The following SND1 variants were observed in gnomAD, a reference collection of about 807,000 sequenced individuals.
The protein encoded by SND1 is staphylococcal nuclease domain-containing protein 1.
A neutral mutation model predicts 121.7 loss-of-function variants in SND1; 38 were observed. That is an observed-to-expected ratio of 0.31 (90% CI 0.24 to 0.41). The LOEUF is 0.41. Ranked by LOEUF, SND1 falls within the 10% of genes least tolerant of loss-of-function variation. The probability of loss-of-function intolerance (pLI) is 1.00; values close to 1 mark genes in which losing one functional copy is unlikely to be tolerated. For missense variants in SND1, 868 were observed against 1,184.6 expected (o/e 0.73, Z 3.92); for synonymous variants, 401 against 447.4 (o/e 0.90, Z 1.31).
At chr7:128,070,224 C>G (rs1411131887) in intron 16 of SND1, among the ~76,000 whole-genome samples, 1 of 152,178 alleles carries the variant, frequency 6.6e-6, no homozygotes, top group African/African-American at 2.4e-5. Context: ...TCGGGAGGTA[C>G]CCCCCTCCCC....
intron 17 of SND1, among the ~76,000 whole-genome samples, chr7:128,079,288 C>T (rs1160811996): frequency 2.0e-4 from 30 of 152,250 alleles, no homozygotes; most frequent in Admixed American, 2.0e-3. Context: ...TAGAGACCCA[C>T]TTCCCCACAT....
At chr7:127,897,456 T>C (rs931672907) in intron 13 of SND1, among the ~76,000 whole-genome samples, 1 of 152,164 alleles carries the variant, frequency 6.6e-6, no homozygotes, top group Non-Finnish European at 1.5e-5. Context: ...AGTGGTGATT[T>C]CAGTGAACAA....
intron 11 of SND1, among the ~76,000 whole-genome samples, chr7:127,817,651 A>C (rs1429575662): frequency 6.6e-6 from 1 of 151,536 alleles, no homozygotes. Context: ...CTGTCCACAT[A>C]ATATGTCACA....
At chr7:128,042,924 C>G (rs901323687) in intron 16 of SND1, among the ~76,000 whole-genome samples, 4 of 152,180 alleles carry the variant, frequency 2.6e-5, no homozygotes, top group African/African-American at 7.2e-5. Context: ...ACCACATAAC[C>G]TTGACTCACT....
At chr7:127,688,580 G>A (rs894117032) in intron 2 of SND1, among the ~76,000 whole-genome samples, 1 of 151,112 alleles carries the variant, frequency 6.6e-6, no homozygotes, top group Non-Finnish European at 1.5e-5. Flanking sequence ...AAATTAGCCA[G>A]GCATGGTGGT....
At chr7:127,884,027 A>C (rs531591630) in intron 12 of SND1, among the ~76,000 whole-genome samples, 6 of 152,272 alleles carry the variant, frequency 3.9e-5, no homozygotes, top group African/African-American at 1.4e-4. Flanking sequence ...ACCTCTCATT[A>C]AACTCCCAAG....
intron 14 of SND1, among the ~76,000 whole-genome samples, chr7:127,919,355 G>C (rs1800651852): frequency 6.6e-6 from 1 of 152,030 alleles, no homozygotes; most frequent in Non-Finnish European, 1.5e-5. Context: ...TTCTTGATTT[G>C]CCCATGAAAT....
intron 15 of SND1, among the ~76,000 whole-genome samples, chr7:127,941,518 T>C (rs1331524236): frequency 6.6e-6 from 1 of 152,206 alleles, no homozygotes; most frequent in Non-Finnish European, 1.5e-5. Flanking sequence ...TCCCTGCCCT[T>C]GTGTGCCTCC....
intron 12 of SND1, among the ~76,000 whole-genome samples, chr7:127,855,181 C>T (rs1584620241): frequency 6.6e-6 from 1 of 152,152 alleles, no homozygotes. Context: ...TGCTGTGGTA[C>T]AATCATGGCT....
At chr7:127,673,193 AAT>A (rs945425249) in intron 1 of SND1, among the ~76,000 whole-genome samples, 2 of 91,318 alleles carry the variant, frequency 2.2e-5, no homozygotes, top group African/African-American at 1.2e-4. Flanking sequence ...TATATATTAT[AAT>A]ATATGATATA....
chr7:127,990,924 A>G (rs775699303), intron 15 of SND1, 23 bp from the exon 16 acceptor site: 1 of 1,583,968 alleles, frequency 6.3e-7, no homozygotes, highest in South Asian at 1.1e-5. Context: ...TTCATCACAG[A>G]TTCTACTTTT....
intron 11 of SND1, among the ~76,000 whole-genome samples, chr7:127,822,174 G>A (rs1287286644): frequency 1.3e-5 from 2 of 152,116 alleles, no homozygotes; most frequent in Admixed American, 6.5e-5. Flanking sequence ...CGATTTCCTT[G>A]TAAGTCCTTT....
At chr7:127,787,568 G>A (rs1194462355) in intron 10 of SND1, among the ~76,000 whole-genome samples, 1 of 152,194 alleles carries the variant, frequency 6.6e-6, no homozygotes, top group African/African-American at 2.4e-5. Context: ...GTTGATTTGT[G>A]TTGATGTTTT....
At chr7:127,988,545 C>G (rs1802448266) in intron 15 of SND1, among the ~76,000 whole-genome samples, 1 of 152,168 alleles carries the variant, frequency 6.6e-6, no homozygotes, top group African/African-American at 2.4e-5. Context: ...GTTTAACACC[C>G]TGGCCCACTG....
At chr7:128,055,123 G>T (rs1793114703) in intron 16 of SND1, among the ~76,000 whole-genome samples, 1 of 152,172 alleles carries the variant, frequency 6.6e-6, no homozygotes, top group South Asian at 2.1e-4. Flanking sequence ...TTTTGTTTCA[G>T]TTGGGAAAGC....
chr7:127,665,394 A>G (rs1161589832), intron 1 of SND1, among the ~76,000 whole-genome samples: 4 of 152,022 alleles, frequency 2.6e-5, no homozygotes, highest in Non-Finnish European at 2.9e-5. Flanking sequence ...TCACCGTGTT[A>G]GCCAGGATAG....
chr7:127,939,840 G>A (rs1391555611), intron 15 of SND1, among the ~76,000 whole-genome samples: 5 of 152,222 alleles, frequency 3.3e-5, no homozygotes, highest in South Asian at 4.1e-4. Flanking sequence ...GGGTAGGTCA[G>A]TGAGGAGTTT....
chr7:127,911,776 A>G (rs2116780240), intron 14 of SND1, among the ~76,000 whole-genome samples: 1 of 152,290 alleles, frequency 6.6e-6, no homozygotes, highest in Non-Finnish European at 1.5e-5. Flanking sequence ...CTAGGATTAC[A>G]GGCATGAGCC....
At chr7:127,939,379 AAGAG>A (rs1374920724) in intron 15 of SND1, among the ~76,000 whole-genome samples, 1 of 152,212 alleles carries the variant, frequency 6.6e-6, no homozygotes, top group Non-Finnish European at 1.5e-5. Context: ...TTCAGGGTAA[AAGAG>A]AGAGAAACAT....
Sources: gnomAD v4.1 joint callset for allele counts (sites outside exome capture counted in the v4.1 genomes callset) on GRCh38, gnomAD v4.1.1 for gene constraint, MANE v1.5 for transcripts, NCBI Gene and HGNC (gene_info 2026-07-23, HGNC 2026-07-21) for gene names.